Variants in AGAP1 observed in about 807,000 individuals in gnomAD.
The protein encoded by AGAP1 is arf-GAP with GTPase, ANK repeat and PH domain-containing protein 1.
A neutral mutation model predicts 105.3 loss-of-function variants in AGAP1; 29 were observed. That is an observed-to-expected ratio of 0.28 (90% confidence interval 0.21 to 0.38). AGAP1 has a LOEUF of 0.38. AGAP1 is among the 10% of genes least tolerant of loss of function. The pLI is 1.00. For synonymous variants in AGAP1, 509 were observed against 485.9 expected (o/e 1.05, Z -0.63); for missense variants, 998 against 1,165.1 (o/e 0.86, Z 2.09).
Position 235,807,308 on chromosome 2 carries a change from G to A in AGAP1, c.1027G>A (p.Gly343Ser), listed in dbSNP as rs781108655. The stretch of plus-strand genomic sequence containing the variant: ...GAGTCGTGCGGACAGCATTGGGAGC[G>A]GCCGAGCCATCCCAATTAAACAGGT... ...LESRADSIGS[G>S]RAIPIKQGML... is the part of the protein sequence containing the mutation. The change falls in exon 9 of 18, where the codon GGC (glycine) becomes AGC (serine). Residue 343 changes from glycine (G) to serine (S), a missense_variant. This residue lies in a region of AGAP1 where 735 missense variants were observed against 833.4 expected (regional missense o/e 0.88). Coordinates refer to ENST00000304032, the MANE Select transcript of AGAP1 (RefSeq NM_001037131.3). The A allele has an allele frequency of 1.1e-5, 18 of 1,597,926 alleles. No individual in the cohort carries two copies. The highest frequency in any genetic ancestry group is 2.3e-5 in the East Asian group (1 of 43,888).
chr2:236,049,220 G>C lies in AGAP1; in HGVS notation c.2053G>C (p.Ala685Pro). The change falls in exon 16 of 18, where the codon GCC becomes CCC. Residue 685 changes from alanine (A) to proline (P), a missense_variant. Transcript: ENST00000304032. The stretch of plus-strand genomic sequence containing the variant: ...GATGTCATCCATCGGGAACGAGCTA[G>C]CCAACAGCGTCTGGGAAGAGAGCAG... ...KVMSSIGNELANSVWEESSQG... is the reference protein window; with the variant it reads ...KVMSSIGNELPNSVWEESSQG... The C allele has an allele frequency of 6.2e-7, 1 of 1,614,222 alleles. No homozygotes were observed. The highest frequency in any genetic ancestry group is 8.5e-7 in the Non-Finnish European group (1 of 1,180,046).
Position 235,526,305 on chromosome 2 carries a change from T to G in AGAP1, c.163+31456T>G, listed in dbSNP as rs567834507. ...TCAGCCAGATGAATCCAGAGGCATA[T>G]CTAGGTTCTCTTGATTGACAGGAAC... On this transcript the variant is annotated intron_variant, in intron 1 of 17. Coordinates refer to ENST00000304032, the MANE Select transcript of AGAP1 (RefSeq NM_001037131.3). 1.1e-4 allele frequency among the ~76,000 whole-genome samples: 16 copies of G among 152,344 alleles called. No individual in the cohort carries two copies. In the South Asian group the frequency reaches 3.3e-3, roughly 32 times the overall value.
rs892684308 is a variant in AGAP1 at position 235,919,622 on chromosome 2, C to T, written c.1324+10716C>T. The stretch of plus-strand genomic sequence containing the variant: ...GATAGAGCTGTGGGGCCACCTGCTC[C>T]TGGAAGGGGACTGTAAAATTCAGAG... On this transcript the variant is annotated intron_variant, in intron 11 of 17. Transcript: ENST00000304032. The surrounding 1 kb of genome is among the most constrained non-coding windows in gnomAD (Gnocchi z 4.1). Among the ~76,000 whole-genome samples the T allele has an allele frequency of 2.6e-5, 4 of 152,134 alleles. No homozygotes were observed. The highest frequency in any genetic ancestry group is 9.7e-5 in the African/African-American group (4 of 41,406).
rs1157396881 is a variant in AGAP1, at chr2:235,780,078, T to C, written c.674-17681T>C. Among the ~76,000 whole-genome samples the C allele has an allele frequency of 2.6e-5, 4 of 152,168 alleles. No homozygotes were observed. In the East Asian group the frequency reaches 7.7e-4, roughly 29 times the overall value. On this transcript the variant is annotated intron_variant, in intron 6 of 17. Transcript: ENST00000304032. ...ATCACCACGTTAGCCTAAAAGAGTG[T>C]TTGAAATAGGAGGTGACATTCCTGG...
At chr2:235,509,556 A>G (rs887730848) in intron 1 of AGAP1, among the ~76,000 whole-genome samples, 1 of 151,994 alleles carries the variant, frequency 6.6e-6, no homozygotes, top group African/African-American at 2.4e-5. Context: ...ACATAAAGTA[A>G]ACTCCAACTC....
intron 5 of AGAP1, among the ~76,000 whole-genome samples, chr2:235,745,451 C>G (rs1952853332): frequency 2.0e-5 from 3 of 152,196 alleles, no homozygotes; most frequent in African/African-American, 4.8e-5. Flanking sequence ...ACACAATGTC[C>G]TCGCTCTTGA....
chr2:235,765,981 A>G (rs1320499237), intron 6 of AGAP1, among the ~76,000 whole-genome samples: 1 of 152,174 alleles, frequency 6.6e-6, no homozygotes, highest in Non-Finnish European at 1.5e-5. Context: ...ACAGGTGGAC[A>G]GGACCGGTCT....
At chr2:235,542,725 T>C (rs1943486893) in intron 1 of AGAP1, among the ~76,000 whole-genome samples, 1 of 152,214 alleles carries the variant, frequency 6.6e-6, no homozygotes, top group East Asian at 1.9e-4. Context: ...ACTAGTTTGT[T>C]GTATTTGCTT....
rs1366281276 is a variant in AGAP1, at chr2:235,754,010, A to G, written c.673+3522A>G. 6.6e-6 allele frequency among the ~76,000 whole-genome samples: 1 copy of G among 152,206 alleles called. No individual in the cohort carries two copies. The highest frequency in any genetic ancestry group is 1.5e-5 in the Non-Finnish European group (1 of 68,038). ...ATAACAAAGTAAAAATCCTCAAGGA[A>G]AGTTAAACATTGTAAGGTTTATATA... On this transcript the variant is annotated intron_variant, in intron 6 of 17. Transcript: ENST00000304032. The surrounding 1 kb of genome is among the most constrained non-coding windows in gnomAD (Gnocchi z 4.6).
chr2:235,537,203 A>G (rs1363702533), intron 1 of AGAP1, among the ~76,000 whole-genome samples: 2 of 152,246 alleles, frequency 1.3e-5, no homozygotes, highest in African/African-American at 4.8e-5. Context: ...GGTGGCAAGG[A>G]AAACAATGAG....
In AGAP1 at chr2:235,803,958, C is replaced by G. The variant is rs989402050; in HGVS notation, c.958-3281C>G. On this transcript the variant is annotated intron_variant, in intron 8 of 17. Coordinates refer to ENST00000304032, the MANE Select transcript of AGAP1 (RefSeq NM_001037131.3). ...GAGCAATTAATTTAGTTTAGCGGCCCTAGTTTACACGTGGTTAAAGTGTTT... is the reference window on the plus strand; with the variant it reads ...GAGCAATTAATTTAGTTTAGCGGCCGTAGTTTACACGTGGTTAAAGTGTTT... 3.3e-4 allele frequency among the ~76,000 whole-genome samples: 50 copies of G among 152,278 alleles called. 1 individual carries two copies. Among genetic ancestry groups the G allele is most frequent in the African/African-American group, 1.2e-3 (48 of 41,558 alleles).
At chr2:235,539,686 C>A (rs551786200) in intron 1 of AGAP1, among the ~76,000 whole-genome samples, 4 of 152,242 alleles carry the variant, frequency 2.6e-5, no homozygotes, top group African/African-American at 9.6e-5. Context: ...GATCAACTCA[C>A]CTCTCTTTTA....
Position 235,759,164 on chromosome 2 carries a change from C to CTT in AGAP1, c.673+8697_673+8698dup, listed in dbSNP as rs560528348. ...TAGCCCTAGGGTTGTTGATGTCATT[C>CTT]TTTTTTTTTTTTTTTTTTTTTTGAG... On this transcript the variant is annotated intron_variant, in intron 6 of 17. Coordinates refer to ENST00000304032, the MANE Select transcript of AGAP1 (RefSeq NM_001037131.3). Among the ~76,000 whole-genome samples the CTT allele has an allele frequency of 3.3e-3, 347 of 104,022 alleles. 2 individuals carry two copies. The highest frequency in any genetic ancestry group is 4.6e-3 in the African/African-American group (132 of 28,690). The allele number at this position is 104,022 out of a possible 152,430, so 68.2% of individuals were successfully genotyped here. A position where few individuals can be genotyped will look rare whatever the true frequency, so the allele number is the denominator to read the frequency against.
At chr2:235,852,501 T>C (rs1169852391) in intron 9 of AGAP1, among the ~76,000 whole-genome samples, 1 of 152,218 alleles carries the variant, frequency 6.6e-6, no homozygotes, top group Non-Finnish European at 1.5e-5. Context: ...CGAGTACAAA[T>C]TGAAGCAAGC....
chr2:235,557,855 T>C lies in AGAP1; in HGVS notation c.163+63006T>C, dbSNP rs902609528. ...TAGACACTTTAGATTCACAGTTAAC[T>C]GTTGATGCTTAAATGACATTTGAGG... On this transcript the variant is annotated intron_variant, in intron 1 of 17. Coordinates refer to ENST00000304032, the MANE Select transcript of AGAP1 (RefSeq NM_001037131.3). The surrounding 1 kb of genome is among the most constrained non-coding windows in gnomAD (Gnocchi z 4.7). Among the ~76,000 whole-genome samples, 10 of 152,228 alleles carry C rather than the reference T, an allele frequency of 6.6e-5. No individual in the cohort carries two copies. The highest frequency in any genetic ancestry group is 1.3e-4 in the Non-Finnish European group (9 of 68,042).
intron 13 of AGAP1, among the ~76,000 whole-genome samples, chr2:235,980,574 G>A (rs1484346782): frequency 2.0e-5 from 3 of 152,166 alleles, no homozygotes; most frequent in African/African-American, 7.2e-5. Context: ...CAATTATGTG[G>A]CCACTGTGTT....
chr2:235,586,365 GTGGAGT>G lies in AGAP1; in HGVS notation c.163+91520_163+91525del, dbSNP rs1330832328. ...CACTGCTACAACCCCCTGGGTGTGT[GTGGAGT>G]TGGGAAAGAGACGGATGTTGAGCCT... On this transcript the variant is annotated intron_variant, in intron 1 of 17. Coordinates refer to ENST00000304032, the MANE Select transcript of AGAP1 (RefSeq NM_001037131.3). The surrounding 1 kb of genome is among the most constrained non-coding windows in gnomAD (Gnocchi z 4.2). Among the ~76,000 whole-genome samples, 2 of 152,240 alleles carry G rather than the reference GTGGAGT, an allele frequency of 1.3e-5. No individual in the cohort carries two copies. The highest frequency in any genetic ancestry group is 1.3e-4 in the Admixed American group (2 of 15,286).
In AGAP1 at chr2:235,750,354, A is replaced by G; in HGVS notation, c.539A>G (p.Asp180Gly). 1 of 1,614,124 alleles carries G rather than the reference A, an allele frequency of 6.2e-7. No homozygotes were observed. The highest frequency in any genetic ancestry group is 8.5e-7 in the Non-Finnish European group (1 of 1,180,000). ...GTTACTTTTTGGTCTTCTGTTCCAGATGCCATAAGTTCTGCTAACCCGAGG... is the reference window on the plus strand; with the variant it reads ...GTTACTTTTTGGTCTTCTGTTCCAGGTGCCATAAGTTCTGCTAACCCGAGG... ...EIPLVLVGTQDAISSANPRVI... is the reference protein window; with the variant it reads ...EIPLVLVGTQGAISSANPRVI... Residue 180 changes from aspartate to glycine, a missense_variant and splice_region_variant, in exon 6 of 18, where the codon GAT becomes GGT. This residue lies in a region of AGAP1 where 735 missense variants were observed against 833.4 expected (regional missense o/e 0.88). Coordinates refer to ENST00000304032, the MANE Select transcript of AGAP1 (RefSeq NM_001037131.3). The surrounding 1 kb of genome is among the most constrained non-coding windows in gnomAD (Gnocchi z 5.3).
intron 13 of AGAP1, among the ~76,000 whole-genome samples, chr2:236,034,111 T>C (rs1040540404): frequency 7.2e-5 from 11 of 152,174 alleles, no homozygotes; most frequent in African/African-American, 2.7e-4. Flanking sequence ...TTGCATAAAA[T>C]ACATGAATTG....
Sources: allele counts gnomAD v4.1 joint callset (sites outside exome capture counted in the v4.1 genomes callset), GRCh38; gene constraint gnomAD v4.1.1; regional missense constraint gnomAD v4.1.1; non-coding constraint Gnocchi (gnomAD v3.1); transcripts MANE v1.5; gene names NCBI Gene and HGNC (gene_info 2026-07-23, HGNC 2026-07-21).